Variants in DNAJC6 observed in about 807,000 individuals in gnomAD.
The protein encoded by DNAJC6 is auxilin.
DNAJC6 carries 34 observed loss-of-function variants against 110.0 expected under a neutral mutation model. The observed-to-expected ratio is 0.31, with a 90% CI of 0.24 to 0.41. The LOEUF (loss-of-function observed/expected upper bound fraction) is 0.41. Among genes scored for constraint, DNAJC6 ranks in the 10% least tolerant of loss-of-function variants. The probability of loss-of-function intolerance (pLI) is 1.00; values close to 1 mark genes in which losing one functional copy is unlikely to be tolerated. For missense variants in DNAJC6, 1,031 were observed against 1,207.8 expected (o/e 0.85, Z 2.17); for synonymous variants, 406 against 437.2 (o/e 0.93, Z 0.89).
exon 1 of DNAJC6, chr1:65,264,868 C>T (rs762739205): frequency 6.2e-7 from 1 of 1,611,430 alleles, no homozygotes; most frequent in Non-Finnish European, 8.5e-7. Context: ...GCAGAATCAG[C>T]CGGACTTTCC....
At chr1:65,364,152 C>T (rs1645623272) in intron 1 of DNAJC6, among the ~76,000 whole-genome samples, 1 of 152,120 alleles carries the variant, frequency 6.6e-6, no homozygotes, top group Non-Finnish European at 1.5e-5. Flanking sequence ...TTTCAGTATC[C>T]ACACCAAACA....
chr1:65,396,052 A>C (rs1011098510), intron 13 of DNAJC6, among the ~76,000 whole-genome samples: 1 of 152,224 alleles, frequency 6.6e-6, no homozygotes, highest in Non-Finnish European at 1.5e-5. Context: ...TGCCAATGCA[A>C]AAGGAAGATG....
chr1:65,294,747 A>G (rs991046607), intron 1 of DNAJC6, among the ~76,000 whole-genome samples: 8 of 152,206 alleles, frequency 5.3e-5, no homozygotes, highest in Non-Finnish European at 8.8e-5. Context: ...TTTTAAATTC[A>G]CTTGTAAAAA....
chr1:65,336,309 G>A (rs1012840941), intron 1 of DNAJC6, among the ~76,000 whole-genome samples: 5 of 152,042 alleles, frequency 3.3e-5, no homozygotes, highest in Non-Finnish European at 7.4e-5. Flanking sequence ...GGAGCATGGG[G>A]GTAACTGCCC....
intron 1 of DNAJC6, among the ~76,000 whole-genome samples, chr1:65,313,298 C>T (rs1184365638): frequency 1.3e-5 from 2 of 151,404 alleles, no homozygotes; most frequent in East Asian, 1.9e-4. Flanking sequence ...TGGGCTCAAG[C>T]GATCTGACCA....
At position 65,376,999 on chromosome 1, in the gene DNAJC6, G is replaced by A. The variant is rs569082469; in HGVS notation, c.544-2403G>A. The stretch of plus-strand genomic sequence containing the variant: ...AGGCTGGTCTTGAACTCCTGACCTC[G>A]TGATCTGCCTGCCTAGGCCTCCCAA... On this transcript the variant is annotated intron_variant, in intron 4 of 18. Coordinates refer to ENST00000371069, the MANE Select transcript of DNAJC6 (RefSeq NM_001256864.2). 4.6e-5 allele frequency among the ~76,000 whole-genome samples: 7 copies of A among 152,168 alleles called. No homozygotes were observed. In the East Asian group the frequency reaches 7.7e-4, roughly 17 times the overall value.
chr1:65,377,461 A>C (rs1209124493), intron 4 of DNAJC6, among the ~76,000 whole-genome samples: 1 of 152,234 alleles, frequency 6.6e-6, no homozygotes, highest in Non-Finnish European at 1.5e-5. Context: ...GGGGCAAGGC[A>C]TCATAAAGTT....
chr1:65,375,200 AGTCATCTGCCT>A (rs1645749503), intron 4 of DNAJC6, among the ~76,000 whole-genome samples: 1 of 152,082 alleles, frequency 6.6e-6, no homozygotes, highest in Non-Finnish European at 1.5e-5. Context: ...CATGACCTCA[AGTCATCTGCCT>A]GTCTCAGCCT....
Position 65,384,226 on chromosome 1 carries a change from G to A in DNAJC6, c.700G>A (p.Ala234Thr), listed in dbSNP as rs186061249. ...GGCGGCATCATCAATTCTGGTTGGT[G>A]CTATGTTCATTTTCTGTAATCTCTA... is the stretch of plus-strand genomic sequence containing the variant. ...GRAASSILVGAMFIFCNLYST... is the reference protein window; with the variant it reads ...GRAASSILVGTMFIFCNLYST... Residue 234 changes from alanine (A) to threonine (T), a missense_variant, in exon 6 of 19, where the codon GCT (alanine) becomes ACT (threonine). Ala to Thr is a moderately conservative substitution (Grantham distance 58). Coordinates refer to ENST00000371069, the MANE Select transcript of DNAJC6 (RefSeq NM_001256864.2). 1.8e-5 allele frequency: 29 copies of A among 1,573,730 alleles called. No homozygotes were observed. The highest frequency in any genetic ancestry group is 1.7e-4 in the Middle Eastern group (1 of 5,962).
At chr1:65,337,328 A>C (rs1645347418) in intron 1 of DNAJC6, among the ~76,000 whole-genome samples, 1 of 149,346 alleles carries the variant, frequency 6.7e-6, no homozygotes, top group Non-Finnish European at 1.5e-5. Flanking sequence ...GACTATTTCT[A>C]TGAGGAAAAA....
intron 4 of DNAJC6, among the ~76,000 whole-genome samples, chr1:65,371,448 GTCA>G (rs1645704775): frequency 6.6e-6 from 1 of 152,126 alleles, no homozygotes; most frequent in Admixed American, 6.6e-5. Context: ...CTTGCTTAGA[GTCA>G]TCATGCAGTA....
At chr1:65,303,078 A>G (rs1235422232) in intron 1 of DNAJC6, among the ~76,000 whole-genome samples, 1 of 152,248 alleles carries the variant, frequency 6.6e-6, no homozygotes, top group East Asian at 1.9e-4. Flanking sequence ...AGGATAAGTT[A>G]AATGTTAGCA....
intron 1 of DNAJC6, among the ~76,000 whole-genome samples, chr1:65,303,540 A>T (rs1645009219): frequency 6.8e-6 from 1 of 147,406 alleles, no homozygotes; most frequent in African/African-American, 2.5e-5. Context: ...ATGTGCTTCC[A>T]TGCGCCTCAT....
intron 1 of DNAJC6, among the ~76,000 whole-genome samples, chr1:65,345,891 G>C (rs941228479): frequency 6.6e-6 from 1 of 152,166 alleles, no homozygotes; most frequent in Non-Finnish European, 1.5e-5. Flanking sequence ...GTAGTGGCCA[G>C]ATGTTTATGA....
intron 1 of DNAJC6, among the ~76,000 whole-genome samples, chr1:65,314,069 A>G (rs1165376528): frequency 6.6e-6 from 1 of 152,204 alleles, no homozygotes; most frequent in Non-Finnish European, 1.5e-5. Context: ...ATCTGGAAAC[A>G]GATATTAATA....
intron 1 of DNAJC6, among the ~76,000 whole-genome samples, chr1:65,341,342 A>G (rs1233900997): frequency 6.6e-6 from 1 of 152,112 alleles, no homozygotes; most frequent in African/African-American, 2.4e-5. Context: ...ATTGTTCATG[A>G]TGGAAAGCCA....
rs531795819 is a variant in DNAJC6, at chr1:65,285,285, C to T, written c.-131+20353C>T. Reference sequence around the variant, plus strand: ...ATCTCCTATACATGATTTATGTGGCCCCTGAAATGCCTGGCGTACAATTGC... The same window carrying T: ...ATCTCCTATACATGATTTATGTGGCTCCTGAAATGCCTGGCGTACAATTGC... On this transcript the variant is annotated intron_variant, in intron 1 of 19. Transcript: ENST00000263441. Among the ~76,000 whole-genome samples the T allele has an allele frequency of 3.1e-4, 47 of 152,216 alleles. 2 individuals carry two copies. The South Asian group carries it at 9.6e-3, about 31-fold the overall frequency.
intron 1 of DNAJC6, among the ~76,000 whole-genome samples, chr1:65,300,074 C>A (rs79047786): frequency 0.057 from 8,484 of 149,326 alleles, 840 homozygotes; most frequent in African/African-American, 0.2. Context: ...GAAAAAAAGT[C>A]TGAAATCCAG....
At chr1:65,375,084 C>T (rs557249197) in intron 4 of DNAJC6, among the ~76,000 whole-genome samples, 1 of 152,034 alleles carries the variant, frequency 6.6e-6, no homozygotes, top group African/African-American at 2.4e-5. Context: ...CTGCCTCAGC[C>T]TCCCAAGTAG....
Sources: gnomAD v4.1 joint callset for allele counts (sites outside exome capture counted in the v4.1 genomes callset) on GRCh38, gnomAD v4.1.1 for gene constraint, MANE v1.5 for transcripts, NCBI Gene and HGNC (gene_info 2026-07-23, HGNC 2026-07-21) for gene names.